The following CD58 variants were observed in gnomAD, a reference collection of about 807,000 sequenced individuals.
CD58 encodes lymphocyte function-associated antigen 3.
A neutral mutation model predicts 27.6 loss-of-function variants in CD58; 14 were observed. The observed-to-expected ratio is 0.51, with a 90% CI of 0.34 to 0.79. The LOEUF is 0.79. Ranked by LOEUF, CD58 falls within the 30% of genes least tolerant of loss-of-function variation. CD58 has a pLI of 0.02. For missense variants in CD58, 268 were observed against 301.7 expected (o/e 0.89, Z 0.83); for synonymous variants, 117 against 103.8 (o/e 1.13, Z -0.77).
chr1:116,548,257 G>A (rs551042561), intron 1 of CD58, among the ~76,000 whole-genome samples: 5 of 152,296 alleles, frequency 3.3e-5, no homozygotes, highest in Admixed American at 6.5e-5. Flanking sequence ...TGGGTTGTGT[G>A]TTTACTCTGC....
rs934634729 is a variant in CD58 at position 116,524,771 on chromosome 1, T to C, written c.629-2788A>G. Among the ~76,000 whole-genome samples, 1 of 152,266 alleles carries C rather than the reference T, an allele frequency of 6.6e-6. No homozygotes were observed. The highest frequency in any genetic ancestry group is 2.4e-5 in the African/African-American group (1 of 41,480). ...AACATTACAATTTTTTTCTTTATAG[T>C]TCTTTTTATCCTTAGAATGCAGCCC... On this transcript the variant is annotated intron_variant, in intron 3 of 5. Coordinates refer to ENST00000369489, the MANE Select transcript of CD58 (RefSeq NM_001779.3). The surrounding 1 kb of genome is among the most constrained non-coding windows in gnomAD (Gnocchi z 4.6).
intron 1 of CD58, among the ~76,000 whole-genome samples, chr1:116,556,219 A>C (rs1307875993): frequency 7.0e-6 from 1 of 142,734 alleles, no homozygotes; most frequent in African/African-American, 2.7e-5. Context: ...GTGCCACTGC[A>C]CTCCAGCCTG....
In CD58 at chr1:116,531,689, T is replaced by C. The variant is rs534300591; in HGVS notation, c.628+4276A>G. ...TGACACCTCTGTGGGTTTGATCTTT[T>C]CTCTGTCTTCAAAAATCAAATCTAT... On this transcript the variant is annotated intron_variant, in intron 3 of 5. Transcript: ENST00000369489. The surrounding 1 kb of genome is among the most constrained non-coding windows in gnomAD (Gnocchi z 4.5). Among the ~76,000 whole-genome samples, 2 of 152,368 alleles carry C rather than the reference T, an allele frequency of 1.3e-5. No individual in the cohort carries two copies. Among genetic ancestry groups the C allele is most frequent in the South Asian group, 2.1e-4 (1 of 4,828 alleles).
rs934682012 is a variant in CD58 at position 116,557,831 on chromosome 1, G to C, written c.70+13072C>G. ...TAGAACTACAGTTGCATGCCACCAC[G>C]CCCAGCTAATTTTTATATTTTTTGT... On this transcript the variant is annotated intron_variant, in intron 1 of 5. Transcript: ENST00000369489. This position sits in a 1 kb window ranked among gnomAD's most constrained non-coding sequence, Gnocchi z 5.2. 6.6e-6 allele frequency among the ~76,000 whole-genome samples: 1 copy of C among 151,736 alleles called. No homozygotes were observed. Among genetic ancestry groups the C allele is most frequent in the Non-Finnish European group, 1.5e-5 (1 of 67,946 alleles).
In CD58 at chr1:116,546,374, T is replaced by G. The variant is rs1044077210; in HGVS notation, c.71-1770A>C. On this transcript the variant is annotated intron_variant, in intron 1 of 5. Transcript: ENST00000369489. This position sits in a 1 kb window ranked among gnomAD's most constrained non-coding sequence, Gnocchi z 4.1. ...ACCCATTTGTTTATCTACAAGGACT[T>G]TTTAGAACCCATCTCCCTTAATTAA... 6.6e-6 allele frequency among the ~76,000 whole-genome samples: 1 copy of G among 152,178 alleles called. No individual in the cohort carries two copies. Among genetic ancestry groups the G allele is most frequent in the African/African-American group, 2.4e-5 (1 of 41,426 alleles).
In CD58 at chr1:116,525,875, T is replaced by C. The variant is rs555259939; in HGVS notation, c.629-3892A>G. Among the ~76,000 whole-genome samples the C allele has an allele frequency of 2.0e-5, 3 of 152,346 alleles. No individual in the cohort carries two copies. The South Asian group carries it at 6.2e-4, about 32-fold the overall frequency. ...CATGTTGGCCAGGCTGGTCTTGAAC[T>C]CCTGACCTCAGGTGATCCGCCTGCC... is the stretch of plus-strand genomic sequence containing the variant. On this transcript the variant is annotated intron_variant, in intron 3 of 5. Coordinates refer to ENST00000369489, the MANE Select transcript of CD58 (RefSeq NM_001779.3).
intron 3 of CD58, among the ~76,000 whole-genome samples, chr1:116,526,111 T>C (rs1446980192): frequency 6.6e-6 from 1 of 152,228 alleles, no homozygotes; most frequent in Non-Finnish European, 1.5e-5. Flanking sequence ...TTATCAGATG[T>C]GTCTTTTGCA....
Position 116,532,902 on chromosome 1 carries a change from G to A in CD58, c.628+3063C>T, listed in dbSNP as rs1571066433. The A allele has an allele frequency of 3.2e-6, 3 of 951,718 alleles. No individual in the cohort carries two copies. Among genetic ancestry groups the A allele is most frequent in the Middle Eastern group, 2.2e-4 (1 of 4,536 alleles). The allele number at this position is 951,718 out of a possible 1,614,324, so 59.0% of individuals were successfully genotyped here. A position where few individuals can be genotyped will look rare whatever the true frequency, so the allele number is the denominator to read the frequency against. ...CCTCCCGCTACAGGCCCGGAGTCGCGACAGCCGGTCTGCCAGGCGCCCACC... is the reference window on the plus strand; with the variant it reads ...CCTCCCGCTACAGGCCCGGAGTCGCAACAGCCGGTCTGCCAGGCGCCCACC... On this transcript the variant is annotated intron_variant, in intron 3 of 5. Transcript: ENST00000369489. This position sits in a 1 kb window ranked among gnomAD's most constrained non-coding sequence, Gnocchi z 5.1.
intron 2 of CD58, among the ~76,000 whole-genome samples, chr1:116,542,514 A>T (rs574185544): frequency 4.6e-5 from 7 of 152,348 alleles, no homozygotes; most frequent in African/African-American, 1.7e-4. Flanking sequence ...GATCAGAATA[A>T]GTGAATATGG....
At chr1:116,568,055 CAA>C (rs34531651) in intron 1 of CD58, among the ~76,000 whole-genome samples, 293 of 81,690 alleles carry the variant, frequency 3.6e-3, no homozygotes, top group African/African-American at 0.011. Flanking sequence ...CTTAAAGTAC[CAA>C]AAAAAAAAAA....
At position 116,531,634 on chromosome 1, in the gene CD58, T is replaced by C. The variant is rs566996959; in HGVS notation, c.628+4331A>G. 1.8e-4 allele frequency among the ~76,000 whole-genome samples: 28 copies of C among 152,342 alleles called. No individual in the cohort carries two copies. Among genetic ancestry groups the C allele is most frequent in the Admixed American group, 5.9e-4 (9 of 15,304 alleles). Reference sequence around the variant, plus strand: ...TCGTTTTAAAAACTTCTTGCAATTGTGTGACTTGTACAAACAGTGCTCCTT... The same window carrying C: ...TCGTTTTAAAAACTTCTTGCAATTGCGTGACTTGTACAAACAGTGCTCCTT... On this transcript the variant is annotated intron_variant, in intron 3 of 5. Transcript: ENST00000369489. This position sits in a 1 kb window ranked among gnomAD's most constrained non-coding sequence, Gnocchi z 4.5.
intron 1 of CD58, among the ~76,000 whole-genome samples, chr1:116,554,098 T>C (rs1658483162): frequency 6.6e-6 from 1 of 152,238 alleles, no homozygotes; most frequent in Non-Finnish European, 1.5e-5. Context: ...ACCTGTAGTT[T>C]CACTGAATAC....
chr1:116,526,613 G>A (rs1349469137), intron 3 of CD58, among the ~76,000 whole-genome samples: 2 of 152,176 alleles, frequency 1.3e-5, no homozygotes, highest in African/African-American at 4.8e-5. Flanking sequence ...AAGTCTTGAA[G>A]TTGAGTAGTA....
chr1:116,531,315 T>C lies in CD58; in HGVS notation c.628+4650A>G, dbSNP rs532806710. Among the ~76,000 whole-genome samples, 3 of 152,346 alleles carry C rather than the reference T, an allele frequency of 2.0e-5. No homozygotes were observed. Among genetic ancestry groups the C allele is most frequent in the African/African-American group, 4.8e-5 (2 of 41,574 alleles). On this transcript the variant is annotated intron_variant, in intron 3 of 5. Coordinates refer to ENST00000369489, the MANE Select transcript of CD58 (RefSeq NM_001779.3). This position sits in a 1 kb window ranked among gnomAD's most constrained non-coding sequence, Gnocchi z 4.5. Reference sequence around the variant, plus strand: ...ATAGAGGGATCTTACTCAGAAATTATTTCCTTCAAGTATTTTGTCTCTTGG... The same window carrying C: ...ATAGAGGGATCTTACTCAGAAATTACTTCCTTCAAGTATTTTGTCTCTTGG...
At chr1:116,549,912 G>C (rs1011537441) in intron 1 of CD58, among the ~76,000 whole-genome samples, 4 of 152,036 alleles carry the variant, frequency 2.6e-5, no homozygotes, top group African/African-American at 9.7e-5. Flanking sequence ...CAAATTTTCT[G>C]GTTTCCCAGG....
At chr1:116,525,226 A>G (rs1657391583) in intron 3 of CD58, among the ~76,000 whole-genome samples, 1 of 152,192 alleles carries the variant, frequency 6.6e-6, no homozygotes. Flanking sequence ...GCCAACTACT[A>G]ATCTTTTTAC....
rs1204987213 is a variant in CD58 at position 116,528,348 on chromosome 1, C to CT, written c.629-6366dup. On this transcript the variant is annotated intron_variant, in intron 3 of 5. Coordinates refer to ENST00000369489, the MANE Select transcript of CD58 (RefSeq NM_001779.3). This position sits in a 1 kb window ranked among gnomAD's most constrained non-coding sequence, Gnocchi z 4.4. ...TATGATGAATTTTTCCAATTTCTCT[C>CT]TTTTTTCTTAGGAGTAAGATCAAAG... Among the ~76,000 whole-genome samples, 1 of 152,014 alleles carries CT rather than the reference C, an allele frequency of 6.6e-6. No individual in the cohort carries two copies. The highest frequency in any genetic ancestry group is 1.5e-5 in the Non-Finnish European group (1 of 67,994).
rs1295764507 is a variant in CD58, at chr1:116,546,109, T to C, written c.71-1505A>G. Among the ~76,000 whole-genome samples the C allele has an allele frequency of 6.6e-6, 1 of 152,202 alleles. No homozygotes were observed. The highest frequency in any genetic ancestry group is 1.9e-4 in the East Asian group (1 of 5,206). On this transcript the variant is annotated intron_variant, in intron 1 of 5. Transcript: ENST00000369489. This position sits in a 1 kb window ranked among gnomAD's most constrained non-coding sequence, Gnocchi z 4.1. ...ATTACTTGAAGCCATGAGGCAGAGA[T>C]TGCAGTCAGCCATGATTGTGCCACT... is the stretch of plus-strand genomic sequence containing the variant.
At position 116,522,675 on chromosome 1, in the gene CD58, C is replaced by T. The variant is rs1034457372; in HGVS notation, c.629-692G>A. ...CAAGATTCGACTATTTCTAAACAAA[C>T]TTATATGCACAAGCTTGATACATTC... On this transcript the variant is annotated intron_variant, in intron 3 of 5. Transcript: ENST00000369489. This position sits in a 1 kb window ranked among gnomAD's most constrained non-coding sequence, Gnocchi z 4.6. Among the ~76,000 whole-genome samples, 33 of 152,262 alleles carry T rather than the reference C, an allele frequency of 2.2e-4. No homozygotes were observed. The highest frequency in any genetic ancestry group is 7.9e-4 in the African/African-American group (33 of 41,550).
Sources: allele counts gnomAD v4.1 joint callset (sites outside exome capture counted in the v4.1 genomes callset), GRCh38; gene constraint gnomAD v4.1.1; non-coding constraint Gnocchi (gnomAD v3.1); transcripts MANE v1.5; gene names NCBI Gene and HGNC (gene_info 2026-07-23, HGNC 2026-07-21).